Variants in FBXL20 observed in about 807,000 individuals in gnomAD.
FBXL20 encodes the protein F-box/LRR-repeat protein 20.
In FBXL20, 11 loss-of-function variants were observed where a neutral mutation model predicts 64.0. The observed-to-expected ratio is 0.17, with a 90% CI of 0.11 to 0.28. The LOEUF (loss-of-function observed/expected upper bound fraction) is 0.28, where lower values mean the gene tolerates loss of function less well. Ranked by LOEUF, FBXL20 falls within the 10% of genes least tolerant of loss-of-function variation. The probability of loss-of-function intolerance (pLI) is 1.00; values close to 1 mark genes in which losing one functional copy is unlikely to be tolerated. For missense variants in FBXL20, 303 were observed against 526.2 expected (o/e 0.58, Z 4.15); for synonymous variants, 184 against 189.0 (o/e 0.97, Z 0.22).
intron 1 of FBXL20, among the ~76,000 whole-genome samples, chr17:39,344,614 C>A (rs1391574113): frequency 6.7e-6 from 1 of 148,468 alleles, no homozygotes; most frequent in African/African-American, 2.4e-5. Context: ...GGCGAAACCC[C>A]ATCTCTACTA....
intron 1 of FBXL20, among the ~76,000 whole-genome samples, chr17:39,383,316 C>T (rs1269277780): frequency 1.3e-5 from 2 of 151,942 alleles, no homozygotes; most frequent in Non-Finnish European, 2.9e-5. Flanking sequence ...CATACACAGA[C>T]GCACATGGAG....
chr17:39,284,012 T>C (rs1047900657), intron 7 of FBXL20, among the ~76,000 whole-genome samples: 2 of 152,196 alleles, frequency 1.3e-5, no homozygotes, highest in Admixed American at 6.5e-5. Flanking sequence ...ATTAGCCCCA[T>C]AGCTCTCTGT....
At chr17:39,371,915 T>A (rs2144636922) in intron 1 of FBXL20, among the ~76,000 whole-genome samples, 1 of 152,282 alleles carries the variant, frequency 6.6e-6, no homozygotes, top group South Asian at 2.1e-4. Flanking sequence ...TATCTTCCCA[T>A]TATAGACTTC....
At chr17:39,382,866 T>C (rs1176708591) in intron 1 of FBXL20, among the ~76,000 whole-genome samples, 1 of 151,056 alleles carries the variant, frequency 6.6e-6, no homozygotes, top group Non-Finnish European at 1.5e-5. Context: ...TTTTAAAAAT[T>C]TAAGAAAAGG....
intron 2 of FBXL20, among the ~76,000 whole-genome samples, chr17:39,331,460 C>T (rs1452552023): frequency 6.6e-6 from 1 of 152,104 alleles, no homozygotes; most frequent in Non-Finnish European, 1.5e-5. Flanking sequence ...GCTCATTTGT[C>T]TCATTTCTGG....
intron 2 of FBXL20, among the ~76,000 whole-genome samples, chr17:39,305,781 T>A (rs2047176191): frequency 6.6e-6 from 1 of 151,704 alleles, no homozygotes; most frequent in African/African-American, 2.4e-5. Context: ...AGGTCAGGAG[T>A]TCGAGACCAG....
chr17:39,288,726 TAA>T (rs1222056777), intron 6 of FBXL20, among the ~76,000 whole-genome samples: 2 of 152,080 alleles, frequency 1.3e-5, no homozygotes, highest in Non-Finnish European at 2.9e-5. Context: ...TTTTTTTTCC[TAA>T]GACACAGTCT....
Position 39,353,820 on chromosome 17 carries a change from A to C in FBXL20, c.43-10579T>G, listed in dbSNP as rs568210385. Reference sequence around the variant, plus strand: ...GTATTTTTAGTAGAGATGGGGTTTCATCATATTGGCCAGGATGGTCTCGAC... The same window carrying C: ...GTATTTTTAGTAGAGATGGGGTTTCCTCATATTGGCCAGGATGGTCTCGAC... On this transcript the variant is annotated intron_variant, in intron 1 of 14. Transcript: ENST00000264658. Among the ~76,000 whole-genome samples the C allele has an allele frequency of 1.4e-4, 21 of 152,052 alleles. No homozygotes were observed. In the East Asian group the frequency reaches 4.1e-3, roughly 29 times the overall value.
intron 1 of FBXL20, among the ~76,000 whole-genome samples, chr17:39,348,641 C>G (rs1286784707): frequency 1.3e-5 from 2 of 152,126 alleles, no homozygotes; most frequent in Non-Finnish European, 2.9e-5. Context: ...TACTATGTCA[C>G]TATGGTCATC....
intron 1 of FBXL20, among the ~76,000 whole-genome samples, chr17:39,354,290 TCTTG>T (rs2047715444): frequency 6.6e-6 from 1 of 152,174 alleles, no homozygotes; most frequent in Non-Finnish European, 1.5e-5. Flanking sequence ...TCAAACAAGC[TCTTG>T]CTTTTTTGTT....
chr17:39,384,218 A>G (rs2048054984), intron 1 of FBXL20, among the ~76,000 whole-genome samples: 1 of 151,962 alleles, frequency 6.6e-6, no homozygotes, highest in African/African-American at 2.4e-5. Flanking sequence ...TGGGTGGCAG[A>G]GAGAAACCCT....
intron 1 of FBXL20, among the ~76,000 whole-genome samples, chr17:39,353,599 CTTAT>C (rs376084578): frequency 0.056 from 7,841 of 140,258 alleles, 597 homozygotes; most frequent in African/African-American, 0.18. Context: ...ACCACTACAC[CTTAT>C]TTATTTATTT....
intron 6 of FBXL20, among the ~76,000 whole-genome samples, chr17:39,286,790 C>G (rs1332197656): frequency 1.3e-5 from 2 of 151,652 alleles, no homozygotes; most frequent in Non-Finnish European, 2.9e-5. Flanking sequence ...AAGAGTGAAA[C>G]TCTGTCTCAA....
At chr17:39,325,314 T>C (rs2047399473) in intron 2 of FBXL20, among the ~76,000 whole-genome samples, 1 of 152,218 alleles carries the variant, frequency 6.6e-6, no homozygotes, top group Non-Finnish European at 1.5e-5. Context: ...ACATATCTTT[T>C]AAGTAATACC....
intron 14 of FBXL20, among the ~76,000 whole-genome samples, chr17:39,262,095 G>A (rs1218342844): frequency 6.6e-6 from 1 of 151,876 alleles, no homozygotes; most frequent in Non-Finnish European, 1.5e-5. Context: ...AGAGGCTCTG[G>A]TTGACCTGTG....
intron 2 of FBXL20, among the ~76,000 whole-genome samples, chr17:39,329,610 T>A (rs2047441615): frequency 6.6e-6 from 1 of 152,172 alleles, no homozygotes; most frequent in Non-Finnish European, 1.5e-5. Flanking sequence ...TATATATGTA[T>A]ATATAATGTT....
chr17:39,281,579 G>A, intron 8 of FBXL20, 116 bp from the exon 9 acceptor site: 1 of 721,314 alleles, frequency 1.4e-6, no homozygotes, highest in East Asian at 2.8e-5. Flanking sequence ...AGTTTCGAAG[G>A]AACAATGAAT....
intron 1 of FBXL20, among the ~76,000 whole-genome samples, chr17:39,344,803 AT>A (rs2144576157): frequency 6.6e-6 from 1 of 152,230 alleles, no homozygotes; most frequent in Non-Finnish European, 1.5e-5. Context: ...AAAAATAAAA[AT>A]TAAAAAAGGA....
chr17:39,366,724 G>GT (rs2047863366), intron 1 of FBXL20, among the ~76,000 whole-genome samples: 1 of 152,110 alleles, frequency 6.6e-6, no homozygotes, highest in Non-Finnish European at 1.5e-5. Flanking sequence ...TTCTGACCTC[G>GT]TAAGTTTCTG....
Sources: allele counts gnomAD v4.1 joint callset (sites outside exome capture counted in the v4.1 genomes callset), GRCh38; gene constraint gnomAD v4.1.1; transcripts MANE v1.5; gene names NCBI Gene and HGNC (gene_info 2026-07-23, HGNC 2026-07-21).